The following FBXL7 variants were observed in gnomAD, a reference collection of about 807,000 sequenced individuals.
FBXL7 encodes F-box/LRR-repeat protein 7.
In FBXL7, 12 loss-of-function variants were observed where a neutral mutation model predicts 38.3. The ratio of observed to expected loss-of-function variants is 0.31; its 90% CI spans 0.20 to 0.51. The LOEUF is 0.51. Among genes scored for constraint, FBXL7 ranks in the 20% least tolerant of loss-of-function variants. The pLI is 0.98. For synonymous variants in FBXL7, 297 were observed against 300.9 expected, an observed-to-expected ratio of 0.99 and a Z score of 0.13; for missense variants, 567 against 676.4, an observed-to-expected ratio of 0.84 and a Z score of 1.79.
intron 2 of FBXL7, among the ~76,000 whole-genome samples, chr5:15,822,135 G>A (rs1738185053): frequency 6.6e-6 from 1 of 150,822 alleles, no homozygotes; most frequent in Non-Finnish European, 1.5e-5. Context: ...GGCGAATCAC[G>A]AGGTCAGGAG....
At chr5:15,512,695 T>A (rs1736832823) in intron 1 of FBXL7, among the ~76,000 whole-genome samples, 1 of 152,230 alleles carries the variant, frequency 6.6e-6, no homozygotes, top group African/African-American at 2.4e-5. Flanking sequence ...AAATATGTGT[T>A]TTTAAGCATT....
At chr5:15,884,433 A>G (rs1740594192) in intron 2 of FBXL7, among the ~76,000 whole-genome samples, 1 of 151,804 alleles carries the variant, frequency 6.6e-6, no homozygotes, top group Non-Finnish European at 1.5e-5. Context: ...CGCCCGGCTA[A>G]TTTTTTGTAT....
At chr5:15,632,360 A>G (rs1741029652) in intron 2 of FBXL7, among the ~76,000 whole-genome samples, 1 of 152,172 alleles carries the variant, frequency 6.6e-6, no homozygotes, top group Non-Finnish European at 1.5e-5. Context: ...ATTTTATTGA[A>G]ACATCTACAT....
chr5:15,863,152 C>T (rs1739548715), intron 2 of FBXL7, among the ~76,000 whole-genome samples: 1 of 152,150 alleles, frequency 6.6e-6, no homozygotes, highest in Admixed American at 6.5e-5. Flanking sequence ...CAGACGTCCA[C>T]TCTAAATTAG....
At chr5:15,605,285 C>T (rs1482152095) in intron 1 of FBXL7, among the ~76,000 whole-genome samples, 2 of 152,144 alleles carry the variant, frequency 1.3e-5, no homozygotes, top group African/African-American at 4.8e-5. Flanking sequence ...TTCCAGCACT[C>T]CGTCATTGCA....
Position 15,542,667 on chromosome 5 carries a change from T to C in FBXL7, c.37+41954T>C, listed in dbSNP as rs1737787922. ...CATTCCCTAAATCACAAATGACCTTTTGTGATGTCAGTAGACATGGAGTGG... is the reference window on the plus strand; with the variant it reads ...CATTCCCTAAATCACAAATGACCTTCTGTGATGTCAGTAGACATGGAGTGG... On this transcript the variant is annotated intron_variant, in intron 1 of 3. Coordinates refer to ENST00000504595, the MANE Select transcript of FBXL7 (RefSeq NM_012304.5). Among the ~76,000 whole-genome samples, 3 of 152,170 alleles carry C rather than the reference T, an allele frequency of 2.0e-5. No homozygotes were observed. In the South Asian group the frequency reaches 6.2e-4, roughly 31 times the overall value.
At chr5:15,779,929 C>T (rs949470968) in intron 2 of FBXL7, among the ~76,000 whole-genome samples, 2 of 152,166 alleles carry the variant, frequency 1.3e-5, no homozygotes, top group African/African-American at 4.8e-5. Context: ...TATCACTCTG[C>T]TCTCTCCAAA....
At chr5:15,922,848 AC>A (rs1417584788) in intron 2 of FBXL7, among the ~76,000 whole-genome samples, 2 of 152,250 alleles carry the variant, frequency 1.3e-5, no homozygotes, top group Admixed American at 6.5e-5. Context: ...CCTTAGTGTT[AC>A]TGCTAAACTG....
intron 2 of FBXL7, among the ~76,000 whole-genome samples, chr5:15,886,702 G>C (rs532874252): frequency 2.2e-4 from 34 of 152,106 alleles, no homozygotes; most frequent in Non-Finnish European, 3.2e-4. Context: ...TAACTAGCAG[G>C]GTACAAGCAG....
chr5:15,678,923 G>A (rs1344238526), intron 2 of FBXL7, among the ~76,000 whole-genome samples: 7 of 152,104 alleles, frequency 4.6e-5, no homozygotes, highest in East Asian at 1.9e-4. Flanking sequence ...TACAAATGTC[G>A]AAGAACAAAA....
At chr5:15,675,763 C>T (rs940659143) in intron 2 of FBXL7, among the ~76,000 whole-genome samples, 8 of 152,148 alleles carry the variant, frequency 5.3e-5, no homozygotes, top group South Asian at 2.1e-4. Flanking sequence ...GTAGTTTGAA[C>T]GCTTTTAATA....
In FBXL7 at chr5:15,842,557, G is replaced by C. The variant is rs143953530; in HGVS notation, c.128-85333G>C. ...AAATGTGAGGACATGAGATTTGGGAGGGTCCCAGGGTGTAATGATATGGTT... is the reference window on the plus strand; with the variant it reads ...AAATGTGAGGACATGAGATTTGGGACGGTCCCAGGGTGTAATGATATGGTT... On this transcript the variant is annotated intron_variant, in intron 2 of 3. Coordinates refer to ENST00000504595, the MANE Select transcript of FBXL7 (RefSeq NM_012304.5). Among the ~76,000 whole-genome samples, 109 of 152,238 alleles carry C rather than the reference G, an allele frequency of 7.2e-4. 1 individual carries two copies. Among genetic ancestry groups the C allele is most frequent in the African/African-American group, 2.3e-3 (97 of 41,542 alleles).
chr5:15,912,473 A>G (rs1334880409), intron 2 of FBXL7, among the ~76,000 whole-genome samples: 1 of 150,106 alleles, frequency 6.7e-6, no homozygotes, highest in African/African-American at 2.5e-5. Flanking sequence ...AAATGCAGAA[A>G]TCACCCGTCT....
intron 2 of FBXL7, among the ~76,000 whole-genome samples, chr5:15,627,900 C>T (rs1434168092): frequency 6.6e-6 from 1 of 152,148 alleles, no homozygotes; most frequent in Non-Finnish European, 1.5e-5. Context: ...CCCCAACTTC[C>T]CTAGGTTGTT....
intron 2 of FBXL7, among the ~76,000 whole-genome samples, chr5:15,797,827 TA>T (rs1323824042): frequency 1.3e-5 from 2 of 152,200 alleles, no homozygotes; most frequent in African/African-American, 4.8e-5. Flanking sequence ...TCTGTGTTTT[TA>T]AAAATATACG....
intron 2 of FBXL7, among the ~76,000 whole-genome samples, chr5:15,701,859 A>C (rs1240815033): frequency 2.0e-5 from 3 of 152,206 alleles, no homozygotes; most frequent in African/African-American, 4.8e-5. Flanking sequence ...AGTGTTGGCT[A>C]CTGTGCTAAA....
At chr5:15,918,100 A>G (rs1201094273) in intron 2 of FBXL7, among the ~76,000 whole-genome samples, 1 of 152,026 alleles carries the variant, frequency 6.6e-6, no homozygotes, top group Non-Finnish European at 1.5e-5. Context: ...TTAGCTGGGC[A>G]TGGTGGTGTG....
At chr5:15,885,153 T>A (rs902643756) in intron 2 of FBXL7, among the ~76,000 whole-genome samples, 6 of 152,160 alleles carry the variant, frequency 3.9e-5, no homozygotes. Context: ...CTCACGCAGT[T>A]GGTGGCAGGA....
chr5:15,742,098 T>A (rs1735907628), intron 2 of FBXL7, among the ~76,000 whole-genome samples: 3 of 152,186 alleles, frequency 2.0e-5, no homozygotes, highest in African/African-American at 7.2e-5. Flanking sequence ...TTTGGCTGTT[T>A]TTAGAGATGT....
Sources: gnomAD v4.1 joint callset for allele counts (sites outside exome capture counted in the v4.1 genomes callset) on GRCh38, gnomAD v4.1.1 for gene constraint, MANE v1.5 for transcripts, NCBI Gene and HGNC (gene_info 2026-07-23, HGNC 2026-07-21) for gene names.